The following FAF1 variants were observed in gnomAD, a reference collection of about 807,000 sequenced individuals.
FAF1 encodes FAS-associated factor 1.
In FAF1, 25 loss-of-function variants were observed where a neutral mutation model predicts 92.5. The observed-to-expected ratio is 0.27, with a 90% confidence interval of 0.20 to 0.38. The LOEUF is 0.38. FAF1 is among the 10% of genes least tolerant of loss of function. The pLI, the probability that FAF1 is intolerant of heterozygous loss-of-function variation, is 1.00. For missense variants in FAF1, 636 were observed against 793.3 expected (o/e 0.80, Z 2.38); for synonymous variants, 234 against 273.2 (o/e 0.86, Z 1.42).
chr1:50,820,978 CTA>C (rs1439982153), intron 2 of FAF1, among the ~76,000 whole-genome samples: 2 of 152,100 alleles, frequency 1.3e-5, no homozygotes, highest in African/African-American at 4.8e-5. Context: ...GGTCATGTTA[CTA>C]CTCTAAGATT....
chr1:50,677,534 A>G (rs1656177825), intron 7 of FAF1, among the ~76,000 whole-genome samples: 1 of 152,220 alleles, frequency 6.6e-6, no homozygotes, highest in African/African-American at 2.4e-5. Flanking sequence ...GAAAATTGTT[A>G]TACTTCTGAA....
At chr1:50,765,017 C>CA in intron 4 of FAF1, among the ~76,000 whole-genome samples, 1 of 152,304 alleles carries the variant, frequency 6.6e-6, no homozygotes, top group East Asian at 1.9e-4. Context: ...ATTTATCTTA[C>CA]AGATTAATAT....
chr1:50,548,314 T>A (rs552789598), intron 13 of FAF1, among the ~76,000 whole-genome samples: 1 of 152,184 alleles, frequency 6.6e-6, no homozygotes, highest in East Asian at 1.9e-4. Flanking sequence ...CTGGGGAAAA[T>A]CAGAGAAAGG....
At position 50,959,842 on chromosome 1, in the gene FAF1, C is replaced by G. The variant is rs763831548; in HGVS notation, c.-31G>C. 3 of 1,529,004 alleles carry G rather than the reference C, an allele frequency of 2.0e-6. No homozygotes were observed. 94.7% of individuals were successfully genotyped at this position (1,529,004 alleles called of 1,614,324 possible). ...CCGCCGAGTTCCGCGGCTCCGGGAG[C>G]GAAGCGCGCACCTGGGAGGCAGACG... On this transcript the variant is annotated 5_prime_UTR_variant, in exon 1 of 19. Transcript: ENST00000396153.
chr1:50,604,389 C>T (rs1393770857), intron 8 of FAF1, among the ~76,000 whole-genome samples: 1 of 152,204 alleles, frequency 6.6e-6, no homozygotes, highest in African/African-American at 2.4e-5. Context: ...CTAATCCTCT[C>T]ACTTAACAGG....
intron 2 of FAF1, among the ~76,000 whole-genome samples, chr1:50,815,313 C>G (rs1480628025): frequency 2.0e-5 from 3 of 152,108 alleles, no homozygotes; most frequent in Admixed American, 6.5e-5. Context: ...CTCCTGCTTA[C>G]GTGAGAATGT....
intron 12 of FAF1, among the ~76,000 whole-genome samples, chr1:50,579,922 T>C (rs1306740384): frequency 1.3e-5 from 2 of 152,320 alleles, no homozygotes; most frequent in Middle Eastern, 3.4e-3. Flanking sequence ...GGATAGTAGA[T>C]AATATTAGAG....
intron 1 of FAF1, among the ~76,000 whole-genome samples, chr1:50,930,558 A>G (rs946989969): frequency 2.6e-5 from 4 of 152,220 alleles, no homozygotes; most frequent in African/African-American, 7.2e-5. Context: ...GCAGGTGGCC[A>G]GGCACAGTGG....
At chr1:50,760,983 C>T (rs1325506488) in intron 4 of FAF1, among the ~76,000 whole-genome samples, 1 of 152,000 alleles carries the variant, frequency 6.6e-6, no homozygotes, top group African/African-American at 2.4e-5. Context: ...CAAATAAATG[C>T]AATAAAAAAT....
chr1:50,530,150 C>G (rs1648062677), intron 15 of FAF1, among the ~76,000 whole-genome samples: 1 of 151,860 alleles, frequency 6.6e-6, no homozygotes, highest in African/African-American at 2.4e-5. Context: ...TTTTTAATCT[C>G]ACATATAAAT....
At chr1:50,569,193 C>T (rs1287452242) in intron 12 of FAF1, among the ~76,000 whole-genome samples, 3 of 152,072 alleles carry the variant, frequency 2.0e-5, no homozygotes, top group South Asian at 2.1e-4. Flanking sequence ...TGAAACCTTC[C>T]GTGATTCCCT....
intron 7 of FAF1, among the ~76,000 whole-genome samples, chr1:50,669,709 G>A (rs1306475644): frequency 3.3e-5 from 5 of 152,178 alleles, no homozygotes; most frequent in African/African-American, 1.2e-4. Context: ...TAATCTATAA[G>A]AGCAAACAGA....
At chr1:50,766,168 C>A (rs918712416) in intron 4 of FAF1, among the ~76,000 whole-genome samples, 1 of 152,052 alleles carries the variant, frequency 6.6e-6, no homozygotes, top group Non-Finnish European at 1.5e-5. Context: ...TACCCAGAAG[C>A]AACAAAACAT....
intron 7 of FAF1, among the ~76,000 whole-genome samples, chr1:50,667,841 A>G (rs1655702480): frequency 6.6e-6 from 1 of 152,192 alleles, no homozygotes; most frequent in Admixed American, 6.5e-5. Flanking sequence ...AATGCTGACA[A>G]TGTTAATGCT....
intron 1 of FAF1, among the ~76,000 whole-genome samples, chr1:50,885,918 C>A (rs763825045): frequency 6.6e-6 from 1 of 151,980 alleles, no homozygotes; most frequent in African/African-American, 2.4e-5. Context: ...TTATCTTAAG[C>A]GGATAACAAC....
At chr1:50,511,609 G>A (rs1181837659) in intron 15 of FAF1, among the ~76,000 whole-genome samples, 2 of 152,074 alleles carry the variant, frequency 1.3e-5, no homozygotes, top group Non-Finnish European at 2.9e-5. Flanking sequence ...AATATCCCGT[G>A]GTGTATATGT....
chr1:50,626,245 G>T (rs916035849), intron 8 of FAF1, among the ~76,000 whole-genome samples: 10 of 152,074 alleles, frequency 6.6e-5, no homozygotes, highest in African/African-American at 2.2e-4. Context: ...TTTTAGAGAG[G>T]TTTATTCATT....
At chr1:50,788,834 TTTTG>T (rs1225418336) in intron 3 of FAF1, among the ~76,000 whole-genome samples, 4 of 152,040 alleles carry the variant, frequency 2.6e-5, no homozygotes, top group Non-Finnish European at 4.4e-5. Context: ...AAACAATTCT[TTTTG>T]TTTGTTTGTT....
At chr1:50,529,583 C>T (rs1648030711) in intron 15 of FAF1, among the ~76,000 whole-genome samples, 1 of 152,198 alleles carries the variant, frequency 6.6e-6, no homozygotes. Context: ...AGGAATCACA[C>T]TGAGAAACAT....
Sources: allele counts gnomAD v4.1 joint callset (sites outside exome capture counted in the v4.1 genomes callset), GRCh38; gene constraint gnomAD v4.1.1; transcripts MANE v1.5; gene names NCBI Gene and HGNC (gene_info 2026-07-23, HGNC 2026-07-21).